EXOC6: variants seen among roughly 807,000 people sequenced by gnomAD.
EXOC6 encodes the protein SEC15-like 1.
In EXOC6, 60 loss-of-function variants were observed where a neutral mutation model predicts 112.5. The ratio of observed to expected loss-of-function variants is 0.53; its 90% confidence interval spans 0.43 to 0.66. The LOEUF (loss-of-function observed/expected upper bound fraction) is 0.66. Ranked by LOEUF, EXOC6 falls within the 30% of genes least tolerant of loss-of-function variation. The pLI is 0.00. For missense variants in EXOC6, 855 were observed against 957.1 expected, an observed-to-expected ratio of 0.89 and a Z score of 1.41; for synonymous variants, 295 against 308.0, an observed-to-expected ratio of 0.96 and a Z score of 0.44.
intron 20 of EXOC6, among the ~76,000 whole-genome samples, chr10:93,050,706 G>A (rs1262977560): frequency 1.5e-5 from 2 of 131,160 alleles, no homozygotes; most frequent in Non-Finnish European, 3.1e-5. Flanking sequence ...GTTGCAGTGA[G>A]CCGAGATCAC....
chr10:93,049,027 A>G (rs1045435166), intron 20 of EXOC6, among the ~76,000 whole-genome samples: 1 of 152,118 alleles, frequency 6.6e-6, no homozygotes. Context: ...ACAGTTTTTT[A>G]CAAACACCTT....
At chr10:92,899,904 T>C (rs935718153) in intron 5 of EXOC6, 2 of 367,132 alleles carry the variant, frequency 5.4e-6, no homozygotes, top group Admixed American at 9.0e-5. Flanking sequence ...AATGAAAATA[T>C]TGATTAGCTT....
Position 92,859,211 on chromosome 10 carries a change from A to G in EXOC6, c.101+10577A>G, listed in dbSNP as rs553894876. ...TGATTCCTTCCACCCCATAACACTC[A>G]TGGGGCAGGTTGTTGTTTGTGTGCT... On this transcript the variant is annotated intron_variant, in intron 1 of 21. Coordinates refer to ENST00000260762, the MANE Select transcript of EXOC6 (RefSeq NM_019053.6). Among the ~76,000 whole-genome samples the G allele has an allele frequency of 2.0e-5, 3 of 152,178 alleles. No individual in the cohort carries two copies. The South Asian group carries it at 6.2e-4, about 32-fold the overall frequency.
In EXOC6 at chr10:92,920,777, G is replaced by A. The variant is rs150276726; in HGVS notation, c.888+727G>A. 3.3e-3 allele frequency among the ~76,000 whole-genome samples: 500 copies of A among 152,200 alleles called. 3 individuals are homozygous for A. Among genetic ancestry groups the A allele is most frequent in the African/African-American group, 0.011 (475 of 41,518 alleles). On this transcript the variant is annotated intron_variant, in intron 8 of 21. Transcript: ENST00000260762. ...TGTATTTTTAGGGCCTTGTTGGCAG[G>A]TGAATATATGTTTATAATTGTTATG...
At chr10:92,879,670 T>G in intron 1 of EXOC6, among the ~76,000 whole-genome samples, 1 of 150,188 alleles carries the variant, frequency 6.7e-6, no homozygotes, top group African/African-American at 2.5e-5. Context: ...CTTATAGATC[T>G]TATCCATCAG....
At chr10:92,831,702 T>C (rs1320502060), upstream of EXOC6, among the ~76,000 whole-genome samples, 1 of 152,204 alleles carries the variant, frequency 6.6e-6, no homozygotes, top group Non-Finnish European at 1.5e-5. Flanking sequence ...CCCAAAGTGC[T>C]GGGACTACAG....
chr10:92,927,264 T>G (rs532703608), intron 8 of EXOC6, among the ~76,000 whole-genome samples: 1 of 152,304 alleles, frequency 6.6e-6, no homozygotes, highest in African/African-American at 2.4e-5. Context: ...AACCTTTCCT[T>G]CTGATGTTGG....
At chr10:92,938,772 C>T (rs1202239113) in intron 12 of EXOC6, among the ~76,000 whole-genome samples, 1 of 152,094 alleles carries the variant, frequency 6.6e-6, no homozygotes, top group African/African-American at 2.4e-5. Flanking sequence ...TCACAGTTTA[C>T]TTACTTGTAA....
At chr10:92,918,797 G>A (rs1564830088) in intron 7 of EXOC6, among the ~76,000 whole-genome samples, 1 of 151,920 alleles carries the variant, frequency 6.6e-6, no homozygotes. Flanking sequence ...TATATATGTA[G>A]TATATATGTA....
intron 1 of EXOC6, among the ~76,000 whole-genome samples, chr10:92,828,434 A>C (rs910795017): frequency 1.3e-5 from 2 of 152,108 alleles, no homozygotes; most frequent in African/African-American, 4.8e-5. Flanking sequence ...CCCGGGCTCA[A>C]GTGATTCTCC....
At chr10:92,923,016 T>C (rs2133917400) in intron 8 of EXOC6, among the ~76,000 whole-genome samples, 1 of 152,322 alleles carries the variant, frequency 6.6e-6, no homozygotes, top group South Asian at 2.1e-4. Flanking sequence ...TTACTGTTGG[T>C]GCTCTGCTCA....
At chr10:93,008,090 G>T (rs958831535) in intron 19 of EXOC6, among the ~76,000 whole-genome samples, 3 of 152,078 alleles carry the variant, frequency 2.0e-5, no homozygotes, top group Non-Finnish European at 2.9e-5. Context: ...GGAGAATCTC[G>T]CTTGAACCTG....
chr10:93,050,459 A>C (rs2134369571), intron 20 of EXOC6, among the ~76,000 whole-genome samples: 1 of 151,170 alleles, frequency 6.6e-6, no homozygotes, highest in South Asian at 2.1e-4. Context: ...GCTGAGGCAC[A>C]AGAATTGCTT....
chr10:92,858,925 C>T (rs542990308), intron 1 of EXOC6, among the ~76,000 whole-genome samples: 24 of 152,252 alleles, frequency 1.6e-4, no homozygotes, highest in Middle Eastern at 3.4e-3. Flanking sequence ...CCGCCACACC[C>T]GGCTAATTTT....
intron 1 of EXOC6, among the ~76,000 whole-genome samples, chr10:92,861,032 T>A (rs572051485): frequency 1.1e-4 from 16 of 152,204 alleles, no homozygotes; most frequent in Non-Finnish European, 2.2e-4. Flanking sequence ...TTCTCTTGGG[T>A]AAACTTGCTG....
intron 1 of EXOC6, among the ~76,000 whole-genome samples, chr10:92,857,353 A>G (rs1223249075): frequency 1.3e-5 from 2 of 152,078 alleles, no homozygotes; most frequent in African/African-American, 2.4e-5. Context: ...TTACTCTTAT[A>G]TAGCTATATT....
chr10:92,944,466 C>A (rs923590725), intron 13 of EXOC6, among the ~76,000 whole-genome samples: 23 of 152,042 alleles, frequency 1.5e-4, no homozygotes, highest in Admixed American at 1.2e-3. Flanking sequence ...CAAACTCTGA[C>A]CTCAAGTGAT....
At chr10:93,027,298 C>G (rs1270228644) in intron 20 of EXOC6, among the ~76,000 whole-genome samples, 2 of 152,170 alleles carry the variant, frequency 1.3e-5, no homozygotes, top group East Asian at 3.9e-4. Context: ...GAAGCCATCT[C>G]CATAACATAA....
intron 1 of EXOC6, among the ~76,000 whole-genome samples, chr10:92,863,841 G>A (rs1848030772): frequency 6.6e-6 from 1 of 151,344 alleles, no homozygotes; most frequent in South Asian, 2.1e-4. Flanking sequence ...CGTGAACCCG[G>A]GAGGCGGAGC....
Sources: allele counts gnomAD v4.1 joint callset (sites outside exome capture counted in the v4.1 genomes callset), GRCh38; gene constraint gnomAD v4.1.1; transcripts MANE v1.5; gene names NCBI Gene and HGNC (gene_info 2026-07-23, HGNC 2026-07-21).